Variants in PTPRD observed in about 807,000 individuals in gnomAD.
PTPRD encodes the protein protein tyrosine phosphatase receptor type D, also known as receptor-type tyrosine-protein phosphatase delta.
Under a neutral mutation model 214.5 loss-of-function variants are expected in PTPRD, and 34 were observed. The ratio of observed to expected loss-of-function variants is 0.16; its 90% CI spans 0.12 to 0.21. The LOEUF (loss-of-function observed/expected upper bound fraction) is 0.21. PTPRD is among the 10% of genes least tolerant of loss of function. The pLI is 1.00. For synonymous variants in PTPRD, 1,128 were observed against 845.7 expected (o/e 1.33, Z -5.79); for missense variants, 2,545 against 2,398.7 (o/e 1.06, Z -1.27).
chr9:9,485,359 G>C (rs1048875945), intron 8 of PTPRD, among the ~76,000 whole-genome samples: 1 of 151,970 alleles, frequency 6.6e-6, no homozygotes, highest in Non-Finnish European at 1.5e-5. Context: ...GAAACGTTTT[G>C]GAATAAAAAA....
chr9:9,352,318 TA>T, intron 9 of PTPRD, among the ~76,000 whole-genome samples: 1 of 95,884 alleles, frequency 1.0e-5, no homozygotes, highest in African/African-American at 4.1e-5. Flanking sequence ...ACCATATATA[TA>T]TATATATATG....
At chr9:9,263,715 A>C (rs1353785971) in intron 9 of PTPRD, among the ~76,000 whole-genome samples, 2 of 151,734 alleles carry the variant, frequency 1.3e-5, no homozygotes, top group Non-Finnish European at 2.9e-5. Flanking sequence ...AAAAACAAAT[A>C]CTGCATATTC....
At chr9:9,740,476 G>T (rs188671029) in intron 6 of PTPRD, among the ~76,000 whole-genome samples, 14 of 151,834 alleles carry the variant, frequency 9.2e-5, no homozygotes, top group African/African-American at 2.7e-4. Flanking sequence ...TCCTGCTTTA[G>T]CCTCCCGAGT....
intron 3 of PTPRD, among the ~76,000 whole-genome samples, chr9:10,042,072 T>C (rs374955259): frequency 6.6e-6 from 1 of 152,102 alleles, no homozygotes; most frequent in African/African-American, 2.4e-5. Flanking sequence ...GCACTGCCCC[T>C]GTGGGAACAC....
At chr9:9,899,765 C>G (rs1304000278) in intron 5 of PTPRD, among the ~76,000 whole-genome samples, 1 of 151,792 alleles carries the variant, frequency 6.6e-6, no homozygotes, top group African/African-American at 2.4e-5. Context: ...TTGGTTACAG[C>G]ACTATTTACA....
chr9:8,833,027 C>A (rs897319845), intron 11 of PTPRD, among the ~76,000 whole-genome samples: 1 of 151,954 alleles, frequency 6.6e-6, no homozygotes. Flanking sequence ...AAAAAATCAG[C>A]AATACAACTG....
intron 5 of PTPRD, among the ~76,000 whole-genome samples, chr9:9,793,035 A>G (rs1206146642): frequency 1.3e-5 from 2 of 152,134 alleles, no homozygotes; most frequent in South Asian, 2.1e-4. Flanking sequence ...AGGCACAAAA[A>G]TGACCTTGTA....
intron 5 of PTPRD, among the ~76,000 whole-genome samples, chr9:9,848,255 G>A (rs2059910713): frequency 6.6e-6 from 1 of 152,038 alleles, no homozygotes; most frequent in African/African-American, 2.4e-5. Context: ...TACTGCTTCT[G>A]TTATGTTCAT....
At chr9:8,830,798 T>C (rs769670821) in intron 11 of PTPRD, among the ~76,000 whole-genome samples, 1 of 152,084 alleles carries the variant, frequency 6.6e-6, no homozygotes, top group African/African-American at 2.4e-5. Flanking sequence ...AGGGCATACG[T>C]GATGGTGAAA....
chr9:8,611,450 A>C (rs2095441669), intron 14 of PTPRD, among the ~76,000 whole-genome samples: 2 of 152,302 alleles, frequency 1.3e-5, no homozygotes, highest in South Asian at 2.1e-4. Context: ...CACACCTGTA[A>C]TCCCAGCACT....
chr9:9,905,255 A>G (rs1424003129), intron 5 of PTPRD, among the ~76,000 whole-genome samples: 1 of 151,956 alleles, frequency 6.6e-6, no homozygotes, highest in Non-Finnish European at 1.5e-5. Context: ...ACATATAGTC[A>G]CCCTAAATTC....
intron 2 of PTPRD, among the ~76,000 whole-genome samples, chr9:10,580,213 A>G (rs551679995): frequency 2.6e-5 from 4 of 152,348 alleles, no homozygotes; most frequent in African/African-American, 9.6e-5. Context: ...AGGTTAAACA[A>G]CCTTTCGAAG....
chr9:8,515,144 A>G (rs973361788), intron 21 of PTPRD, among the ~76,000 whole-genome samples: 1 of 152,234 alleles, frequency 6.6e-6, no homozygotes, highest in African/African-American at 2.4e-5. Flanking sequence ...AAAAGTATCC[A>G]GAATCCCTGG....
At chr9:8,347,222 G>A (rs2074096675) in intron 39 of PTPRD, among the ~76,000 whole-genome samples, 1 of 152,038 alleles carries the variant, frequency 6.6e-6, no homozygotes, top group Non-Finnish European at 1.5e-5. Context: ...TCCCCAGAGA[G>A]CAGGTTTTTA....
At chr9:10,129,124 C>T (rs1304740804) in intron 3 of PTPRD, among the ~76,000 whole-genome samples, 3 of 152,020 alleles carry the variant, frequency 2.0e-5, no homozygotes, top group African/African-American at 4.8e-5. Flanking sequence ...AGAAAGAAAG[C>T]GATTGGACCT....
chr9:8,736,436 G>T (rs2090412826), intron 11 of PTPRD, among the ~76,000 whole-genome samples: 1 of 152,074 alleles, frequency 6.6e-6, no homozygotes, highest in African/African-American at 2.4e-5. Context: ...TTTTAAAACT[G>T]AAATATTTGA....
At chr9:9,285,076 T>C (rs1948933639) in intron 9 of PTPRD, among the ~76,000 whole-genome samples, 1 of 151,786 alleles carries the variant, frequency 6.6e-6, no homozygotes, top group African/African-American at 2.4e-5. Context: ...TCCCACCACC[T>C]AGTATGTAAT....
chr9:9,896,528 T>A (rs949400697), intron 5 of PTPRD, among the ~76,000 whole-genome samples: 2 of 151,932 alleles, frequency 1.3e-5, no homozygotes, highest in South Asian at 2.1e-4. Context: ...AACACATTTT[T>A]TAAAAGAAAG....
chr9:9,051,941 C>G (rs765838640), intron 10 of PTPRD, among the ~76,000 whole-genome samples: 4 of 152,186 alleles, frequency 2.6e-5, no homozygotes, highest in African/African-American at 7.2e-5. Context: ...AATTTGAAAT[C>G]TGGGCATGGG....
Sources: allele counts gnomAD v4.1 joint callset (sites outside exome capture counted in the v4.1 genomes callset), GRCh38; gene constraint gnomAD v4.1.1; transcripts MANE v1.5; gene names NCBI Gene and HGNC (gene_info 2026-07-23, HGNC 2026-07-21).